ADGRF5: variants seen among roughly 807,000 people sequenced by gnomAD.
ADGRF5 encodes G-protein coupled receptor 116.
A neutral mutation model predicts 132.3 loss-of-function variants in ADGRF5; 75 were observed. The ratio of observed to expected loss-of-function variants is 0.57; its 90% CI spans 0.47 to 0.69. The LOEUF is 0.69. Ranked by LOEUF, ADGRF5 falls within the 30% of genes least tolerant of loss-of-function variation. ADGRF5 has a pLI of 0.00. For synonymous variants in ADGRF5, 629 were observed against 597.6 expected (o/e 1.05, Z -0.77); for missense variants, 1,516 against 1,630.6 (o/e 0.93, Z 1.21).
chr6:46,946,904 T>A (rs1021770180), intron 1 of ADGRF5, among the ~76,000 whole-genome samples: 1 of 152,202 alleles, frequency 6.6e-6, no homozygotes, highest in Admixed American at 6.5e-5. Context: ...ACCATAAAGA[T>A]GTCTCTGGGG....
Position 46,868,977 on chromosome 6 carries a change from T to G in ADGRF5, c.1527A>C (p.Gly509=). 6.2e-7 allele frequency: 1 copy of G among 1,612,950 alleles called. No individual in the cohort carries two copies. The highest frequency in any genetic ancestry group is 1.3e-5 in the African/African-American group (1 of 75,020). Residue 509 remains glycine, a synonymous_variant, in exon 12 of 21, where the codon GGA becomes GGC. Coordinates refer to ENST00000283296, the MANE Select transcript of ADGRF5 (RefSeq NM_001098518.2). ...YDEVYWNTSA[G]IKIYQRFYTT... ...TATAAAATCTTTGGTATATTTTAAT[T>G]CCAGCAGAAGTGTTCCAATAAACCT...
At chr6:46,906,540 G>A in intron 2 of ADGRF5, 121 bp downstream of exon 2, 2 of 660,470 alleles carry the variant, frequency 3.0e-6, no homozygotes, top group Non-Finnish European at 5.4e-6. Flanking sequence ...GCAACTATGG[G>A]AAGAATGTTT....
intron 1 of ADGRF5, among the ~76,000 whole-genome samples, chr6:46,927,256 C>G (rs1777298357): frequency 7.1e-6 from 1 of 140,744 alleles, no homozygotes; most frequent in South Asian, 2.2e-4. Flanking sequence ...GTCATCCATG[C>G]CAGGAGAAAA....
intron 4 of ADGRF5, among the ~76,000 whole-genome samples, chr6:46,885,578 G>A (rs1246039452): frequency 6.6e-6 from 1 of 152,204 alleles, no homozygotes; most frequent in Non-Finnish European, 1.5e-5. Context: ...AGACCCTCTG[G>A]CCTGGGGCTG....
At chr6:46,943,177 T>C (rs1389008121) in intron 1 of ADGRF5, among the ~76,000 whole-genome samples, 1 of 151,936 alleles carries the variant, frequency 6.6e-6, no homozygotes, top group Admixed American at 6.6e-5. Context: ...CATAATTGCC[T>C]GCTAAAGTAA....
intron 1 of ADGRF5, among the ~76,000 whole-genome samples, chr6:46,916,765 T>C (rs1342782589): frequency 1.3e-5 from 2 of 152,226 alleles, no homozygotes; most frequent in African/African-American, 4.8e-5. Context: ...TTTAAGCCAA[T>C]TCACCAGGCA....
intron 10 of ADGRF5, among the ~76,000 whole-genome samples, chr6:46,877,487 G>C (rs138148178): frequency 1.3e-3 from 196 of 151,188 alleles, no homozygotes; most frequent in African/African-American, 4.5e-3. Context: ...CAAATTTGTG[G>C]TCAAGCAATT....
chr6:46,865,175 T>C lies in ADGRF5; in HGVS notation c.1857A>G (p.Gln619=). 6.2e-7 allele frequency: 1 copy of C among 1,611,380 alleles called. No individual in the cohort carries two copies. Among genetic ancestry groups the C allele is most frequent in the Non-Finnish European group, 8.5e-7 (1 of 1,178,750 alleles). ...CATTGAAATTGTGTTTGTAGCACAC[T>C]TGTTTTTTGTTAACTTCTTTTGCTG... ...LPAAKEVNKK[Q]VCYKHNFNAS... Residue 619 remains glutamine (Q), a synonymous_variant, in exon 14 of 21, where the codon CAA becomes CAG. Coordinates refer to ENST00000283296, the MANE Select transcript of ADGRF5 (RefSeq NM_001098518.2).
At chr6:46,884,913 A>G (rs1362669399) in intron 4 of ADGRF5, among the ~76,000 whole-genome samples, 2 of 152,124 alleles carry the variant, frequency 1.3e-5, no homozygotes, top group East Asian at 3.9e-4. Flanking sequence ...TTAGAAATAA[A>G]TTTTACAGGC....
rs1409629160 is a variant in ADGRF5, at chr6:46,863,058, C to T, written c.2029G>A (p.Gly677Arg). Residue 677 changes from glycine to arginine, a missense_variant, in exon 15 of 21, where the codon GGA becomes AGA. Physicochemically the swap from Gly to Arg is moderately radical, Grantham distance 125. Coordinates refer to ENST00000283296, the MANE Select transcript of ADGRF5 (RefSeq NM_001098518.2). The stretch of plus-strand genomic sequence containing the variant: ...TTCTGGATGACTTTCCCCGGCTCTC[C>T]GACACCTATTACGGGATCCTGGCAT... ...ITCQDPVIGV[G>R]EPGKVIQKLC... is the part of the protein sequence containing the mutation. 6.2e-7 allele frequency: 1 copy of T among 1,613,988 alleles called. No individual in the cohort carries two copies. Among genetic ancestry groups the T allele is most frequent in the East Asian group, 2.2e-5 (1 of 44,858 alleles).
intron 3 of ADGRF5, among the ~76,000 whole-genome samples, chr6:46,892,577 C>A (rs1165424639): frequency 6.6e-6 from 1 of 151,976 alleles, no homozygotes; most frequent in Non-Finnish European, 1.5e-5. Flanking sequence ...CAGTGAAACG[C>A]CATCTCTACT....
At chr6:46,919,599 C>T (rs1199069023) in intron 1 of ADGRF5, among the ~76,000 whole-genome samples, 4 of 152,166 alleles carry the variant, frequency 2.6e-5, no homozygotes, top group African/African-American at 4.8e-5. Flanking sequence ...AGTCAATAAA[C>T]CCACACTCAG....
chr6:46,921,324 C>T (rs1056008549), intron 1 of ADGRF5, among the ~76,000 whole-genome samples: 1 of 152,102 alleles, frequency 6.6e-6, no homozygotes, highest in African/African-American at 2.4e-5. Context: ...CAGCAATGGC[C>T]GACTGGCCCT....
chr6:46,922,068 CA>C (rs1465399069), upstream of ADGRF5: 1 of 152,248 alleles, frequency 6.6e-6, no homozygotes, highest in African/African-American at 2.4e-5. Context: ...GAAACCTCTC[CA>C]CCAAGTGGAC....
chr6:46,931,917 C>T (rs1471454306), intron 1 of ADGRF5, among the ~76,000 whole-genome samples: 1 of 152,082 alleles, frequency 6.6e-6, no homozygotes, highest in Non-Finnish European at 1.5e-5. Flanking sequence ...AAGACTCCAT[C>T]TCAAAAAATA....
chr6:46,934,798 G>A (rs1179036215), intron 1 of ADGRF5, among the ~76,000 whole-genome samples: 2 of 152,094 alleles, frequency 1.3e-5, no homozygotes, highest in Non-Finnish European at 2.9e-5. Context: ...CTATATAAAT[G>A]AGAGTTTTCT....
At chr6:46,931,224 A>G (rs896201935) in intron 1 of ADGRF5, among the ~76,000 whole-genome samples, 13 of 152,128 alleles carry the variant, frequency 8.5e-5, no homozygotes, top group Non-Finnish European at 1.0e-4. Context: ...CAGCACACAA[A>G]CATAGAGTAT....
chr6:46,945,063 C>T lies in ADGRF5; in HGVS notation c.-25+9671G>A, dbSNP rs9381490. Among the ~76,000 whole-genome samples, 2,015 of 152,264 alleles carry T rather than the reference C, an allele frequency of 0.013. 70 individuals carry two copies. In the South Asian group the frequency reaches 0.13, roughly 10 times the overall value. ...AACACCAGCATTGGCAGTGAAGTGACGATCTTGAAAAATATTAGTTATGCT... is the reference window on the plus strand; with the variant it reads ...AACACCAGCATTGGCAGTGAAGTGATGATCTTGAAAAATATTAGTTATGCT... On this transcript the variant is annotated intron_variant, in intron 1 of 20. Coordinates refer to the ADGRF5 transcript ENST00000265417.
chr6:46,897,700 G>A (rs1402427752), intron 3 of ADGRF5, among the ~76,000 whole-genome samples: 3 of 152,108 alleles, frequency 2.0e-5, no homozygotes, highest in Non-Finnish European at 4.4e-5. Context: ...TCAGCCTCCT[G>A]AGTAGCTGGG....
Sources: gnomAD v4.1 joint callset for allele counts (sites outside exome capture counted in the v4.1 genomes callset) on GRCh38, gnomAD v4.1.1 for gene constraint, MANE v1.5 for transcripts, NCBI Gene and HGNC (gene_info 2026-07-23, HGNC 2026-07-21) for gene names.